Variants in NAALAD2 observed in about 807,000 individuals in gnomAD.
The protein encoded by NAALAD2 is N-acetylated alpha-linked acidic dipeptidase 2.
NAALAD2 carries 89 observed loss-of-function variants against 95.6 expected under a neutral mutation model. That is an observed-to-expected ratio of 0.93 (90% confidence interval 0.78 to 1.11). The LOEUF (loss-of-function observed/expected upper bound fraction) is 1.11, where lower values mean the gene tolerates loss of function less well. NAALAD2 is among the 50% of genes least tolerant of loss of function. The pLI is 0.00. For synonymous variants in NAALAD2, 264 were observed against 294.4 expected (o/e 0.90, Z 1.06); for missense variants, 894 against 872.4 (o/e 1.02, Z -0.31).
chr11:90,137,033 A>G (rs767109612), intron 2 of NAALAD2, among the ~76,000 whole-genome samples: 18 of 152,218 alleles, frequency 1.2e-4, no homozygotes, highest in Non-Finnish European at 1.9e-4. Flanking sequence ...AGCATAAAAA[A>G]GAAAGAAATC....
chr11:90,167,856 G>A (rs1185980540), intron 11 of NAALAD2, among the ~76,000 whole-genome samples: 5 of 150,396 alleles, frequency 3.3e-5, no homozygotes, highest in African/African-American at 7.5e-5. Flanking sequence ...CGGAGCAATC[G>A]GCTCTCTGTA....
chr11:90,164,441 T>A (rs1403314096), intron 11 of NAALAD2: 1 of 152,242 alleles, frequency 6.6e-6, no homozygotes, highest in African/African-American at 2.4e-5. Flanking sequence ...TTTGCCACGC[T>A]GTTCAACTAC....
intron 18 of NAALAD2, among the ~76,000 whole-genome samples, chr11:90,188,232 G>A (rs879612097): frequency 6.6e-6 from 1 of 152,136 alleles, no homozygotes; most frequent in Non-Finnish European, 1.5e-5. Flanking sequence ...AATATTTAAG[G>A]AGGCAGCTTT....
intron 2 of NAALAD2, among the ~76,000 whole-genome samples, chr11:90,143,226 T>C (rs2134839478): frequency 6.6e-6 from 1 of 152,270 alleles, no homozygotes; most frequent in Admixed American, 6.5e-5. Context: ...GCTATTTCTG[T>C]TGAGTCTGAA....
chr11:90,149,060 A>C lies in NAALAD2; in HGVS notation c.436A>C (p.Asn146His), dbSNP rs777843793. The C allele has an allele frequency of 3.7e-6, 6 of 1,607,382 alleles. No homozygotes were observed. Among genetic ancestry groups the C allele is most frequent in the Admixed American group, 3.4e-5 (2 of 59,656 alleles). ...ACCAGATGGCTATGAGAATGTTACA[A>C]ATATTGTGCCACCATATAATGCTTT... is the stretch of plus-strand genomic sequence containing the variant. ...PPPDGYENVT[N>H]IVPPYNAFSA... is the part of the protein sequence containing the mutation. Residue 146 changes from asparagine to histidine, a missense_variant, in exon 4 of 19, where the codon AAT (asparagine) becomes CAT (histidine). Transcript: ENST00000534061.
chr11:90,145,268 T>C (rs1362376036), intron 2 of NAALAD2, among the ~76,000 whole-genome samples: 1 of 152,174 alleles, frequency 6.6e-6, no homozygotes, highest in Non-Finnish European at 1.5e-5. Context: ...CTTGGGACCA[T>C]ACAGAGAAAC....
chr11:90,142,330 G>C (rs7931448), intron 2 of NAALAD2, among the ~76,000 whole-genome samples: 58,780 of 151,818 alleles, frequency 0.39, 11,501 homozygotes, highest in South Asian at 0.49. Context: ...GTATTCTGAG[G>C]CTCATTCATT....
At chr11:90,184,715 G>A (rs11018900) in intron 18 of NAALAD2, among the ~76,000 whole-genome samples, 16,664 of 151,942 alleles carry the variant, frequency 0.11, 1,159 homozygotes, top group Middle Eastern at 0.16. Flanking sequence ...CCTACACCCA[G>A]TTCTTTATTC....
At chr11:90,133,645 G>A (rs181629913), upstream of NAALAD2, among the ~76,000 whole-genome samples, 143 of 152,294 alleles carry the variant, frequency 9.4e-4, no homozygotes, top group African/African-American at 3.4e-3. Flanking sequence ...AATTTTAAGA[G>A]GGTAGTAAAT....
rs75620671 is a variant in NAALAD2, at chr11:90,175,836, T to A, written c.1503-136T>A. ...TGTCTTGATGGTGGTTGACCTTTTT[T>A]AAATTCTTATAAATGTAATATATAA... is the stretch of plus-strand genomic sequence containing the variant. On this transcript the variant is annotated intron_variant, in intron 14 of 18. Coordinates refer to ENST00000534061, the MANE Select transcript of NAALAD2 (RefSeq NM_005467.4). The A allele has an allele frequency of 3.5e-3, 1,548 of 438,046 alleles. 19 individuals carry two copies. Among genetic ancestry groups the A allele is most frequent in the African/African-American group, 0.027 (1,335 of 49,724 alleles). 27.1% of individuals were successfully genotyped at this position (438,046 alleles called of 1,614,324 possible).
chr11:90,150,396 G>A lies in NAALAD2; in HGVS notation c.484-86G>A, dbSNP rs908246358. 69 of 734,922 alleles carry A rather than the reference G, an allele frequency of 9.4e-5. No homozygotes were observed. The African/African-American group carries it at 1.2e-3, about 13-fold the overall frequency. 45.5% of individuals were successfully genotyped at this position (734,922 alleles called of 1,614,324 possible). On this transcript the variant is annotated intron_variant, in intron 4 of 18. Coordinates refer to ENST00000534061, the MANE Select transcript of NAALAD2 (RefSeq NM_005467.4). ...AATAAAGAAAGGAAACACTTTTGAT[G>A]ATGTAGTATTGTGAAGCAAACTTAT...
chr11:90,163,015 C>G lies in NAALAD2; in HGVS notation c.1056C>G (p.Ile352Met). 1 of 1,571,518 alleles carries G rather than the reference C, an allele frequency of 6.4e-7. No individual in the cohort carries two copies. Among genetic ancestry groups the G allele is most frequent in the Non-Finnish European group, 8.7e-7 (1 of 1,155,178 alleles). The stretch of plus-strand genomic sequence containing the variant: ...GGATTTACAATGTAGTTGGAACTAT[C>G]AGAGGATCTGTGGAACCTGGTGAGT... Reference protein sequence around the residue: ...ITRIYNVVGTIRGSVEPDRYV... With the variant: ...ITRIYNVVGTMRGSVEPDRYV... The change falls in exon 9 of 19, where the codon ATC (isoleucine) becomes ATG (methionine). Residue 352 changes from isoleucine to methionine, a missense_variant. Transcript: ENST00000534061.
At position 90,150,519 on chromosome 11, in the gene NAALAD2, A is replaced by T; in HGVS notation, c.521A>T (p.Asp174Val). The change falls in exon 5 of 19, where the codon GAC (aspartate) becomes GTC (valine). Residue 174 changes from aspartate to valine, a missense_variant. Coordinates refer to ENST00000534061, the MANE Select transcript of NAALAD2 (RefSeq NM_005467.4). ...TATGTGAACTATGCTCGCACTGAAGACTTTTTCAAACTAGAAAGAGAGATG... is the reference window on the plus strand; with the variant it reads ...TATGTGAACTATGCTCGCACTGAAGTCTTTTTCAAACTAGAAAGAGAGATG... ...LVYVNYARTE[D>V]FFKLEREMGI... 1 of 1,611,600 alleles carries T rather than the reference A, an allele frequency of 6.2e-7. No homozygotes were observed. The highest frequency in any genetic ancestry group is 1.1e-5 in the South Asian group (1 of 90,926).
At chr11:90,145,719 T>C (rs1318733192) in intron 2 of NAALAD2, among the ~76,000 whole-genome samples, 1 of 152,100 alleles carries the variant, frequency 6.6e-6, no homozygotes, top group Non-Finnish European at 1.5e-5. Flanking sequence ...TTAGAAGTGG[T>C]GATAGAGGGA....
At chr11:90,157,795 A>T (rs1377857647) in intron 6 of NAALAD2, among the ~76,000 whole-genome samples, 1 of 151,578 alleles carries the variant, frequency 6.6e-6, no homozygotes. Flanking sequence ...ATCTCGGGTC[A>T]CTGCAACCTC....
chr11:90,159,039 G>A (rs1235594738), intron 7 of NAALAD2, 200 bp from the exon 8 acceptor site: 8 of 545,438 alleles, frequency 1.5e-5, no homozygotes, highest in East Asian at 6.6e-5. Flanking sequence ...AACATATTAC[G>A]TATTTTACTT....
intron 12 of NAALAD2, chr11:90,169,817 C>T (rs1043854469): frequency 9.1e-5 from 39 of 430,804 alleles, no homozygotes; most frequent in African/African-American, 6.5e-4. Flanking sequence ...TGAGAATGAC[C>T]CTTATAATCA....
chr11:90,163,061 T>G (rs1952341871), intron 9 of NAALAD2, 27 bp downstream of exon 9: 1 of 1,480,934 alleles, frequency 6.8e-7, no homozygotes. Flanking sequence ...TTTAAAACAT[T>G]TTGTTTTTAC....
chr11:90,187,085 TG>T (rs1857168348), intron 18 of NAALAD2, among the ~76,000 whole-genome samples: 6 of 152,078 alleles, frequency 3.9e-5, no homozygotes, highest in African/African-American at 1.4e-4. Context: ...TCATCATCAC[TG>T]GCCATCAGAG....
Sources: allele counts gnomAD v4.1 joint callset (sites outside exome capture counted in the v4.1 genomes callset), GRCh38; gene constraint gnomAD v4.1.1; transcripts MANE v1.5; gene names NCBI Gene and HGNC (gene_info 2026-07-23, HGNC 2026-07-21).